Variants in ZC2HC1A observed in about 807,000 individuals in gnomAD.
The protein encoded by ZC2HC1A is zinc finger C2HC domain-containing protein 1A.
A neutral mutation model predicts 40.7 loss-of-function variants in ZC2HC1A; 28 were observed. That is an observed-to-expected ratio of 0.69 (90% CI 0.51 to 0.94). The LOEUF is 0.94. Ranked by LOEUF, ZC2HC1A falls within the 40% of genes least tolerant of loss-of-function variation. The pLI is 0.00. For synonymous variants in ZC2HC1A, 129 were observed against 129.2 expected (o/e 1.00, Z 0.01); for missense variants, 389 against 386.3 (o/e 1.01, Z -0.06).
At chr8:78,697,786 C>T (rs1214303393) in intron 6 of ZC2HC1A, among the ~76,000 whole-genome samples, 1 of 150,356 alleles carries the variant, frequency 6.7e-6, no homozygotes, top group Non-Finnish European at 1.5e-5. Flanking sequence ...TCAAATGATT[C>T]TCCTGCCTTA....
intron 5 of ZC2HC1A, among the ~76,000 whole-genome samples, chr8:78,690,279 G>C (rs1449293418): frequency 6.6e-6 from 1 of 152,166 alleles, no homozygotes; most frequent in Non-Finnish European, 1.5e-5. Flanking sequence ...TTCTTTGGCA[G>C]CCGGGTGCAG....
At chr8:78,675,975 G>A in intron 2 of ZC2HC1A, 112 bp downstream of exon 2, 1 of 867,640 alleles carries the variant, frequency 1.2e-6, no homozygotes. Flanking sequence ...AAGAGTTAAT[G>A]GGTACTATTC....
intron 1 of ZC2HC1A, among the ~76,000 whole-genome samples, chr8:78,675,084 TC>T (rs1456851153): frequency 1.3e-5 from 2 of 151,714 alleles, no homozygotes; most frequent in African/African-American, 4.8e-5. Flanking sequence ...TCTTTTTTTT[TC>T]TTTTTAGTAA....
At chr8:78,707,482 G>A (rs539089063) in intron 7 of ZC2HC1A, among the ~76,000 whole-genome samples, 1 of 152,306 alleles carries the variant, frequency 6.6e-6, no homozygotes, top group Admixed American at 6.5e-5. Context: ...GTTAGACCTT[G>A]ACAACTGATC....
At chr8:78,699,580 G>A (rs1287912628) in intron 7 of ZC2HC1A, among the ~76,000 whole-genome samples, 6 of 152,050 alleles carry the variant, frequency 3.9e-5, no homozygotes. Flanking sequence ...ATTAAGCCTA[G>A]TACCCATCAG....
intron 3 of ZC2HC1A, among the ~76,000 whole-genome samples, chr8:78,686,126 C>T (rs554331439): frequency 4.8e-4 from 73 of 152,276 alleles, no homozygotes; most frequent in Middle Eastern, 6.8e-3. Context: ...GTCCCCACCT[C>T]GTACTACTGT....
At chr8:78,690,755 T>C (rs1032711882) in intron 5 of ZC2HC1A, among the ~76,000 whole-genome samples, 3 of 152,182 alleles carry the variant, frequency 2.0e-5, no homozygotes, top group Admixed American at 2.0e-4. Context: ...TCTGATCATT[T>C]AGGTTTTATT....
intron 5 of ZC2HC1A, 21 bp from the exon 6 acceptor site, chr8:78,697,386 A>AT (rs759250877): frequency 1.6e-5 from 25 of 1,545,284 alleles, no homozygotes; most frequent in South Asian, 4.8e-5. Context: ...GTTGATTAAT[A>AT]TTTTTTTTCC....
At chr8:78,698,337 T>G (rs1810497223) in intron 6 of ZC2HC1A, 77 bp from the exon 7 acceptor site, 4 of 1,187,382 alleles carry the variant, frequency 3.4e-6, no homozygotes, top group Admixed American at 2.4e-5. Flanking sequence ...ACTAAAGCAT[T>G]GTTTCCTTTG....
chr8:78,684,336 C>T (rs1809884920), intron 3 of ZC2HC1A, among the ~76,000 whole-genome samples: 1 of 152,234 alleles, frequency 6.6e-6, no homozygotes, highest in Admixed American at 6.5e-5. Context: ...AAAGGCACAT[C>T]TTACATGATG....
chr8:78,678,076 T>C (rs1482152621), intron 2 of ZC2HC1A, among the ~76,000 whole-genome samples: 1 of 152,162 alleles, frequency 6.6e-6, no homozygotes, highest in Non-Finnish European at 1.5e-5. Context: ...ATTTTTGTTT[T>C]GGTGGGTTTT....
At chr8:78,698,074 T>A (rs567619719) in intron 6 of ZC2HC1A, among the ~76,000 whole-genome samples, 1 of 152,222 alleles carries the variant, frequency 6.6e-6, no homozygotes, top group South Asian at 2.1e-4. Flanking sequence ...CTTCCTTGAT[T>A]CTTTGATCCA....
chr8:78,699,615 C>T (rs1266034297), intron 7 of ZC2HC1A, among the ~76,000 whole-genome samples: 2 of 152,090 alleles, frequency 1.3e-5, no homozygotes, highest in East Asian at 3.9e-4. Context: ...TCTCTCTCTC[C>T]TCTTATCCTC....
rs1810584305 is a variant in ZC2HC1A, at chr8:78,700,982, T to C, written c.704+2469T>C. Reference sequence around the variant, plus strand: ...ATTACCTTGGCTAGTTTGACTCATTTTTTATTCTATATTAATGTTGAAATA... The same window carrying C: ...ATTACCTTGGCTAGTTTGACTCATTCTTTATTCTATATTAATGTTGAAATA... On this transcript the variant is annotated intron_variant, in intron 7 of 8. Transcript: ENST00000263849. Among the ~76,000 whole-genome samples the C allele has an allele frequency of 2.0e-5, 3 of 152,234 alleles. No homozygotes were observed. The South Asian group carries it at 6.2e-4, about 31-fold the overall frequency.
At chr8:78,695,035 A>C (rs916138768) in intron 5 of ZC2HC1A, among the ~76,000 whole-genome samples, 2 of 152,166 alleles carry the variant, frequency 1.3e-5, no homozygotes, top group South Asian at 4.1e-4. Context: ...TAGAATAGAT[A>C]GAATATAGCT....
intron 3 of ZC2HC1A, among the ~76,000 whole-genome samples, chr8:78,683,665 T>G (rs1000798143): frequency 1.5e-4 from 23 of 152,196 alleles, no homozygotes; most frequent in African/African-American, 4.6e-4. Context: ...TCCCTTTGTC[T>G]TGGTGATTAA....
In ZC2HC1A at chr8:78,693,734, G is replaced by T. The variant is rs375548948; in HGVS notation, c.505-3673G>T. Among the ~76,000 whole-genome samples, 21 of 152,184 alleles carry T rather than the reference G, an allele frequency of 1.4e-4. No individual in the cohort carries two copies. The South Asian group carries it at 2.7e-3, about 20-fold the overall frequency. On this transcript the variant is annotated intron_variant, in intron 5 of 8. Transcript: ENST00000263849. ...TCTGCTGTGCAGAAGCTCTTTAGTT[G>T]AATTAGATCCCATTTGTCAATTTTG...
At chr8:78,717,284 A>G (rs1811136020) in intron 8 of ZC2HC1A, 44 bp from the exon 9 acceptor site, 12 of 1,563,122 alleles carry the variant, frequency 7.7e-6, no homozygotes, top group Non-Finnish European at 9.5e-6. Context: ...GTTGAAAACT[A>G]CTGATACAAA....
At position 78,711,302 on chromosome 8, in the gene ZC2HC1A, A is replaced by C. The variant is rs80216305; in HGVS notation, c.705-3919A>C. 2.0e-4 allele frequency among the ~76,000 whole-genome samples: 31 copies of C among 152,176 alleles called. No homozygotes were observed. In the East Asian group the frequency reaches 6.0e-3, roughly 29 times the overall value. On this transcript the variant is annotated intron_variant, in intron 7 of 8. Coordinates refer to ENST00000263849, the MANE Select transcript of ZC2HC1A (RefSeq NM_016010.3). ...TTGGTTGGTTGATTTAAAACAGTGAAATATCCTACAAACCTGCAGTTTGTC... is the reference window on the plus strand; with the variant it reads ...TTGGTTGGTTGATTTAAAACAGTGACATATCCTACAAACCTGCAGTTTGTC...
Sources: allele counts gnomAD v4.1 joint callset (sites outside exome capture counted in the v4.1 genomes callset), GRCh38; gene constraint gnomAD v4.1.1; transcripts MANE v1.5; gene names NCBI Gene and HGNC (gene_info 2026-07-23, HGNC 2026-07-21).